The following MLIP variants were observed in gnomAD, a reference collection of about 807,000 sequenced individuals.
MLIP encodes muscular LMNA interacting protein.
Under a neutral mutation model 84.8 loss-of-function variants are expected in MLIP, and 79 were observed. The observed-to-expected ratio is 0.93, with a 90% CI of 0.78 to 1.12. MLIP has a LOEUF of 1.12. Ranked by LOEUF, MLIP falls within the 50% of genes most tolerant of loss-of-function variation. The pLI is 0.00. For missense variants in MLIP, 1,257 were observed against 1,160.6 expected (o/e 1.08, Z -1.21); for synonymous variants, 504 against 463.0 (o/e 1.09, Z -1.14).
chr6:54,139,607 T>G (rs1012277604), intron 4 of MLIP, among the ~76,000 whole-genome samples: 6 of 152,104 alleles, frequency 3.9e-5, no homozygotes, highest in Non-Finnish European at 8.8e-5. Context: ...AGTTGAAAAA[T>G]TAATTAAAAT....
chr6:54,156,494 T>A (rs747989524), intron 5 of MLIP, among the ~76,000 whole-genome samples: 2 of 152,132 alleles, frequency 1.3e-5, no homozygotes, highest in African/African-American at 2.4e-5. Context: ...ATTAGTCTTA[T>A]TTGGTTTGGT....
chr6:54,091,360 G>GAAAATTATGA (rs1193429133), intron 1 of MLIP, among the ~76,000 whole-genome samples: 9 of 152,048 alleles, frequency 5.9e-5, no homozygotes, highest in Admixed American at 4.6e-4. Context: ...GAAAATTATG[G>GAAAATTATGA]AAAATTATGA....
At chr6:54,234,275 T>G (rs1296783751) in intron 12 of MLIP, among the ~76,000 whole-genome samples, 1 of 152,180 alleles carries the variant, frequency 6.6e-6, no homozygotes, top group Non-Finnish European at 1.5e-5. Context: ...GTTTACTCAT[T>G]TTTAAAATGA....
chr6:54,095,819 G>A (rs1437829155), intron 1 of MLIP, among the ~76,000 whole-genome samples: 1 of 152,128 alleles, frequency 6.6e-6, no homozygotes, highest in Non-Finnish European at 1.5e-5. Flanking sequence ...GAATTTGTTT[G>A]TTCATGAATT....
rs183570996 is a variant in MLIP, at chr6:54,260,701, G to A, written c.2976+3340G>A. Among the ~76,000 whole-genome samples the A allele has an allele frequency of 4.6e-5, 7 of 152,098 alleles. No homozygotes were observed. In the East Asian group the frequency reaches 1.4e-3, roughly 29 times the overall value. On this transcript the variant is annotated intron_variant, in intron 13 of 13. Transcript: ENST00000502396. ...GTCCAAAGGCTTAAATGAATAACAT[G>A]TGCTTTAATTTGTGGTAGATTAATT...
At chr6:54,170,420 G>A (rs2150594331) in intron 9 of MLIP, among the ~76,000 whole-genome samples, 1 of 151,596 alleles carries the variant, frequency 6.6e-6, no homozygotes, top group South Asian at 2.1e-4. Context: ...TAATAAACTG[G>A]GTGAAATTAC....
intron 9 of MLIP, among the ~76,000 whole-genome samples, chr6:54,170,234 TAGTA>T (rs1775636229): frequency 1.3e-5 from 2 of 151,718 alleles, no homozygotes; most frequent in South Asian, 2.1e-4. Flanking sequence ...ATTATCTCCT[TAGTA>T]AGTGTTTAGT....
At chr6:54,094,552 A>C (rs1768080012) in intron 1 of MLIP, among the ~76,000 whole-genome samples, 2 of 151,222 alleles carry the variant, frequency 1.3e-5, no homozygotes, top group African/African-American at 4.9e-5. Flanking sequence ...CCCATATCCC[A>C]CAGGTGTCCT....
chr6:54,215,270 GA>G, intron 11 of MLIP: 1 of 1,488,756 alleles, frequency 6.7e-7, no homozygotes, highest in Non-Finnish European at 8.8e-7. Context: ...CTGAAAAAGA[GA>G]AAAAGACGAT....
intron 10 of MLIP, among the ~76,000 whole-genome samples, chr6:54,201,215 A>G (rs1251379429): frequency 6.6e-6 from 1 of 152,208 alleles, no homozygotes; most frequent in Non-Finnish European, 1.5e-5. Context: ...AAGCTTAAGA[A>G]TCTCGAGTGA....
chr6:54,203,351 T>C (rs1162781588), intron 11 of MLIP, among the ~76,000 whole-genome samples: 1 of 152,068 alleles, frequency 6.6e-6, no homozygotes, highest in African/African-American at 2.4e-5. Context: ...AGTCAGGACA[T>C]GTAAGATCAT....
At chr6:54,213,110 A>G (rs554435652) in intron 11 of MLIP, among the ~76,000 whole-genome samples, 5 of 152,210 alleles carry the variant, frequency 3.3e-5, no homozygotes, top group Non-Finnish European at 7.3e-5. Context: ...ACTCTGGGTT[A>G]ATCCTTGCAA....
At chr6:54,240,208 A>C (rs1781641938) in intron 12 of MLIP, among the ~76,000 whole-genome samples, 1 of 152,268 alleles carries the variant, frequency 6.6e-6, no homozygotes, top group Non-Finnish European at 1.5e-5. Flanking sequence ...TAAAACTGTC[A>C]CATTCCAACT....
At chr6:54,090,076 G>T (rs962276603) in intron 1 of MLIP, among the ~76,000 whole-genome samples, 19 of 152,142 alleles carry the variant, frequency 1.2e-4, no homozygotes, top group African/African-American at 4.6e-4. Flanking sequence ...AGTTTTTGTT[G>T]ATCAGTTTTG....
At chr6:54,050,049 A>G (rs1207584861) in intron 1 of MLIP, among the ~76,000 whole-genome samples, 5 of 152,112 alleles carry the variant, frequency 3.3e-5, no homozygotes, top group Non-Finnish European at 7.4e-5. Context: ...GGTTTTTCAC[A>G]TGGGAGCTCT....
At chr6:54,096,398 G>T (rs568159934) in intron 1 of MLIP, among the ~76,000 whole-genome samples, 1 of 152,134 alleles carries the variant, frequency 6.6e-6, no homozygotes. Flanking sequence ...CCCAGATCCC[G>T]TTTTGAGAAA....
In MLIP at chr6:54,202,200, C is replaced by T. The variant is rs1020922517; in HGVS notation, c.2685C>T (p.Tyr895=). The part of the protein sequence containing the change: ...EVYEPNPFSK[Y]LEDNSDLFSE... The stretch of plus-strand genomic sequence containing the variant: ...ATGAACCCAACCCTTTCAGTAAATA[C>T]TTGGAAGATAACAGCGACCTCTTTT... Residue 895 remains tyrosine, a synonymous_variant, in exon 11 of 14, where the codon TAC becomes TAT. Transcript: ENST00000502396. The T allele has an allele frequency of 6.3e-7, 1 of 1,583,758 alleles. No individual in the cohort carries two copies. Among genetic ancestry groups the T allele is most frequent in the Non-Finnish European group, 8.6e-7 (1 of 1,164,946 alleles).
At position 54,200,972 on chromosome 6, in the gene MLIP, A is replaced by G. The variant is rs116655257; in HGVS notation, c.2590-1133A>G. Among the ~76,000 whole-genome samples, 711 of 152,296 alleles carry G rather than the reference A, an allele frequency of 4.7e-3. 9 individuals are homozygous for G. Among genetic ancestry groups the G allele is most frequent in the African/African-American group, 0.016 (670 of 41,546 alleles). ...AGCATTGACTGAAAAGAGCTAATTT[A>G]CCATTTTCCAAAAGGAAATGGGGTT... On this transcript the variant is annotated intron_variant, in intron 10 of 13. Coordinates refer to ENST00000502396, the MANE Select transcript of MLIP (RefSeq NM_001281747.2).
intron 9 of MLIP, among the ~76,000 whole-genome samples, chr6:54,183,824 A>G (rs1419908271): frequency 1.4e-5 from 2 of 143,776 alleles, no homozygotes; most frequent in Non-Finnish European, 3.0e-5. Flanking sequence ...GACTCACTGC[A>G]ACCTCCGACT....
Sources: gnomAD v4.1 joint callset for allele counts (sites outside exome capture counted in the v4.1 genomes callset) on GRCh38, gnomAD v4.1.1 for gene constraint, MANE v1.5 for transcripts, NCBI Gene and HGNC (gene_info 2026-07-23, HGNC 2026-07-21) for gene names.